TASOR: variants seen among roughly 807,000 people sequenced by gnomAD.
The protein encoded by TASOR is protein TASOR.
Under a neutral mutation model 178.6 loss-of-function variants are expected in TASOR, and 53 were observed. The ratio of observed to expected loss-of-function variants is 0.30; its 90% CI spans 0.24 to 0.37. The LOEUF is 0.37. TASOR is among the 10% of genes least tolerant of loss of function. The probability of loss-of-function intolerance (pLI) is 1.00; values close to 1 mark genes in which losing one functional copy is unlikely to be tolerated. For synonymous variants in TASOR, 713 were observed against 696.2 expected, an observed-to-expected ratio of 1.02 and a Z score of -0.38; for missense variants, 1,815 against 1,971.4, an observed-to-expected ratio of 0.92 and a Z score of 1.50.
At chr3:56,668,772 G>A (rs971959927) in intron 5 of TASOR, among the ~76,000 whole-genome samples, 3 of 152,052 alleles carry the variant, frequency 2.0e-5, no homozygotes, top group African/African-American at 2.4e-5. Context: ...TCAGGAGTTC[G>A]AGACCAGCCT....
intron 11 of TASOR, among the ~76,000 whole-genome samples, chr3:56,652,556 TAAA>T (rs11361541): frequency 1.4e-5 from 2 of 141,862 alleles, no homozygotes; most frequent in Non-Finnish European, 1.5e-5. Context: ...CCTGCCTATT[TAAA>T]AAAAAAAAAA....
chr3:56,678,848 G>C (rs1417799949), intron 1 of TASOR, among the ~76,000 whole-genome samples: 3 of 151,564 alleles, frequency 2.0e-5, no homozygotes, highest in Admixed American at 6.6e-5. Context: ...CCACCTCTAA[G>C]GAGAATACAA....
rs756466787 is a variant in TASOR at position 56,682,751 on chromosome 3, G to C, written c.256C>G (p.Pro86Ala). ...CTTTCGGGCTCTTCGGGGCCTCTGGGCAGGGCGGCCGCGCCCGCCTCAGAG... is the reference window on the plus strand; with the variant it reads ...CTTTCGGGCTCTTCGGGGCCTCTGGCCAGGGCGGCCGCGCCCGCCTCAGAG... ...DSSEAGAAALPRGPEEPERPV... is the reference protein window; with the variant it reads ...DSSEAGAAALARGPEEPERPV... Residue 86 changes from proline to alanine, a missense_variant, in exon 1 of 24, where the codon CCC (proline) becomes GCC (alanine). By Grantham distance (27) the Pro-to-Ala change is conservative. Coordinates refer to ENST00000683822, the MANE Select transcript of TASOR (RefSeq NM_001365635.2). 7 of 1,537,094 alleles carry C rather than the reference G, an allele frequency of 4.6e-6. No homozygotes were observed. In the African/African-American group the frequency reaches 8.3e-5, roughly 18 times the overall value.
chr3:56,647,108 T>C lies in TASOR; in HGVS notation c.1629A>G (p.Lys543=). ...FSLIQCRKEF[K]NISAINFHSV... is the part of the protein sequence containing the mutation. ...AATGAAAATTTATGGCGCTTATATT[T>C]TTGAATTCCTTTCGACACTGAATCA... Residue 543 remains lysine, a synonymous_variant, in exon 14 of 24, where the codon AAA becomes AAG. Transcript: ENST00000683822. 6.2e-7 allele frequency: 1 copy of C among 1,606,830 alleles called. No homozygotes were observed. Among genetic ancestry groups the C allele is most frequent in the Non-Finnish European group, 8.5e-7 (1 of 1,178,418 alleles).
At position 56,665,169 on chromosome 3, in the gene TASOR, G is replaced by C. The variant is rs149669850; in HGVS notation, c.1022+1091C>G. On this transcript the variant is annotated intron_variant, in intron 7 of 23. Transcript: ENST00000683822. ...CAGAGCAAGACTTTGTCTCTAAAGA[G>C]GAAAAAAAAAGAAACAGAGGGTCCT... Among the ~76,000 whole-genome samples the C allele has an allele frequency of 1.4e-4, 21 of 151,202 alleles. No homozygotes were observed. In the East Asian group the frequency reaches 4.1e-3, roughly 29 times the overall value.
chr3:56,655,233 CA>C (rs1232056899), intron 11 of TASOR, among the ~76,000 whole-genome samples: 1 of 151,998 alleles, frequency 6.6e-6, no homozygotes, highest in Non-Finnish European at 1.5e-5. Context: ...CAAGAATGCC[CA>C]AAATCACCAT....
Position 56,641,385 on chromosome 3 carries a change from G to A in TASOR, c.2583C>T (p.Ser861=), listed in dbSNP as rs763947437. 3.1e-6 allele frequency: 5 copies of A among 1,596,152 alleles called. No homozygotes were observed. The highest frequency in any genetic ancestry group is 2.2e-5 in the South Asian group (2 of 90,780). The part of the protein sequence containing the change: ...TSKYSVAIST[S]EVGTDHKLHL... ...GTAGCTTATGGTCAGTGCCCACTTC[G>A]CTGGTAGAAATAGCAACAGAATACT... Residue 861 remains serine, a synonymous_variant, in exon 15 of 24, where the codon AGC becomes AGT. Coordinates refer to ENST00000683822, the MANE Select transcript of TASOR (RefSeq NM_001365635.2).
chr3:56,682,475 G>A (rs2031885607), intron 1 of TASOR, among the ~76,000 whole-genome samples: 1 of 151,872 alleles, frequency 6.6e-6, no homozygotes. Flanking sequence ...CGCGGGGAGG[G>A]GCAGCAGGGG....
Position 56,622,969 on chromosome 3 carries a change from A to C in TASOR, c.*68T>G. 4.7e-6 allele frequency: 5 copies of C among 1,063,652 alleles called. No homozygotes were observed. The allele number at this position is 1,063,652 out of a possible 1,614,324, so 65.9% of individuals were successfully genotyped here. ...GAGAAAGAACAAGAACCTTTTGTTT[A>C]GAGAATGAAATATAAATTGTTAATA... On this transcript the variant is annotated 3_prime_UTR_variant, in exon 24 of 24. Transcript: ENST00000683822.
Position 56,646,812 on chromosome 3 carries a change from T to C in TASOR, c.1925A>G (p.Glu642Gly). ...FSPLSDYEGQ[E>G]EEMNGTKMKF... ...CATTTTTGTACCATTCATTTCTTCTTCTTGACCTTCATAATCTGAAAGTGG... is the reference window on the plus strand; with the variant it reads ...CATTTTTGTACCATTCATTTCTTCTCCTTGACCTTCATAATCTGAAAGTGG... Residue 642 changes from glutamate (E) to glycine (G), a missense_variant, in exon 14 of 24, where the codon GAA becomes GGA. Glu to Gly is a moderately conservative substitution (Grantham distance 98). Coordinates refer to ENST00000683822, the MANE Select transcript of TASOR (RefSeq NM_001365635.2). The C allele has an allele frequency of 6.2e-7, 1 of 1,612,898 alleles. No homozygotes were observed. Among genetic ancestry groups the C allele is most frequent in the Non-Finnish European group, 8.5e-7 (1 of 1,179,788 alleles).
rs1295173254 is a variant in TASOR, at chr3:56,673,656, T to A, written c.401A>T (p.Tyr134Phe). 6 of 1,551,182 alleles carry A rather than the reference T, an allele frequency of 3.9e-6. No individual in the cohort carries two copies. The highest frequency in any genetic ancestry group is 5.2e-6 in the Non-Finnish European group (6 of 1,146,846). ...EDVVNILHSS[Y>F]LEPTSVTNFN... ...ATTTGTTACTGAGGTTGGTTCAAGG[T>A]AAGAAGAATGGAGAATATTTACAAC... is the stretch of plus-strand genomic sequence containing the variant. Residue 134 changes from tyrosine (Y) to phenylalanine (F), a missense_variant, in exon 2 of 24, where the codon TAC becomes TTC. Physicochemically the swap from Tyr to Phe is conservative, Grantham distance 22. Around this residue, in one of 5 missense-constraint regions of TASOR, gnomAD observed 244 missense variants for 202.7 expected, o/e 1.20. Transcript: ENST00000683822.
At chr3:56,628,356 A>C in intron 19 of TASOR, 136 bp downstream of exon 19, 1 of 755,218 alleles carries the variant, frequency 1.3e-6, no homozygotes, top group South Asian at 1.9e-5. Flanking sequence ...TGAATCTCAC[A>C]AGCTGATTCA....
chr3:56,630,195 G>T (rs2076880145), intron 18 of TASOR, among the ~76,000 whole-genome samples: 1 of 152,042 alleles, frequency 6.6e-6, no homozygotes, highest in African/African-American at 2.4e-5. Context: ...CCAATCTCCT[G>T]ACCTCGTGAT....
At chr3:56,623,968 T>TTA (rs1345134602) in intron 23 of TASOR, 1 of 733,410 alleles carries the variant, frequency 1.4e-6, no homozygotes, top group East Asian at 3.0e-5. Flanking sequence ...TCTGCTTTTT[T>TTA]TCATCAAAAA....
intron 1 of TASOR, among the ~76,000 whole-genome samples, chr3:56,680,798 C>A (rs1292418210): frequency 6.6e-6 from 1 of 151,914 alleles, no homozygotes; most frequent in South Asian, 2.1e-4. Flanking sequence ...AAGTCCACTG[C>A]GATATATTTT....
Position 56,622,397 on chromosome 3 carries a change from A to G in TASOR, c.*640T>C, listed in dbSNP as rs2076707302. The G allele has an allele frequency of 6.6e-6, 1 of 152,382 alleles. No individual in the cohort carries two copies. The highest frequency in any genetic ancestry group is 2.1e-4 in the South Asian group (1 of 4,834). 9.4% of individuals were successfully genotyped at this position (152,382 alleles called of 1,614,324 possible). A position where few individuals can be genotyped will look rare whatever the true frequency, so the allele number is the denominator to read the frequency against. ...TAAACAGAAGCCTATCTTTTGAAATAAAAAATTTAATTTCATTAAATCAAG... is the reference window on the plus strand; with the variant it reads ...TAAACAGAAGCCTATCTTTTGAAATGAAAAATTTAATTTCATTAAATCAAG... On this transcript the variant is annotated 3_prime_UTR_variant, in exon 24 of 24. Coordinates refer to ENST00000683822, the MANE Select transcript of TASOR (RefSeq NM_001365635.2).
chr3:56,654,883 C>T (rs928545170), intron 11 of TASOR, among the ~76,000 whole-genome samples: 1 of 152,186 alleles, frequency 6.6e-6, no homozygotes, highest in African/African-American at 2.4e-5. Context: ...GAAACTGTAC[C>T]ATTGGCTCTC....
chr3:56,680,594 T>G (rs1578313880), intron 1 of TASOR, among the ~76,000 whole-genome samples: 1 of 152,166 alleles, frequency 6.6e-6, no homozygotes, highest in Non-Finnish European at 1.5e-5. Flanking sequence ...AAAGTTGAAT[T>G]TATGTATTAA....
rs1002608565 is a variant in TASOR at position 56,645,331 on chromosome 3, G to C, written c.2215+1191C>G. Among the ~76,000 whole-genome samples the C allele has an allele frequency of 2.6e-5, 4 of 152,108 alleles. No individual in the cohort carries two copies. In the South Asian group the frequency reaches 8.3e-4, roughly 31 times the overall value. ...AGTGAAAAGTGAGGATACAAATACAGATTGCTAAGAGCAAAAGTGTAAAAA... is the reference window on the plus strand; with the variant it reads ...AGTGAAAAGTGAGGATACAAATACACATTGCTAAGAGCAAAAGTGTAAAAA... On this transcript the variant is annotated intron_variant, in intron 14 of 23. Transcript: ENST00000683822.
Sources: gnomAD v4.1 joint callset for allele counts (sites outside exome capture counted in the v4.1 genomes callset) on GRCh38, gnomAD v4.1.1 for gene constraint, gnomAD v4.1.1 regional missense constraint, MANE v1.5 for transcripts, NCBI Gene and HGNC (gene_info 2026-07-23, HGNC 2026-07-21) for gene names.